The following SMAD6 variants were observed in gnomAD, a reference collection of about 807,000 sequenced individuals.
SMAD6 encodes SMAD family member 6.
Under a neutral mutation model 39.4 loss-of-function variants are expected in SMAD6, and 103 were observed. The observed-to-expected ratio is 2.62, with a 90% confidence interval of 2.23 to 3.08. The LOEUF (loss-of-function observed/expected upper bound fraction) is 3.08. Ranked by LOEUF, SMAD6 falls within the 30% of genes most tolerant of loss-of-function variation. The pLI, the probability that SMAD6 is intolerant of heterozygous loss-of-function variation, is 0.00. For missense variants in SMAD6, 1,104 were observed against 742.9 expected (o/e 1.49, Z -5.65); for synonymous variants, 445 against 353.3 (o/e 1.26, Z -2.91).
In SMAD6 at chr15:66,768,849, C is replaced by T. The variant is rs1354908749; in HGVS notation, c.953-12148C>T. Among the ~76,000 whole-genome samples the T allele has an allele frequency of 2.6e-5, 4 of 152,174 alleles. No individual in the cohort carries two copies. In the South Asian group the frequency reaches 8.3e-4, roughly 32 times the overall value. On this transcript the variant is annotated intron_variant, in intron 3 of 3. Coordinates refer to ENST00000288840, the MANE Select transcript of SMAD6 (RefSeq NM_005585.5). The stretch of plus-strand genomic sequence containing the variant: ...CATTGCCGAGAGCACCTCTGTTAGG[C>T]GACATAGTACCAGGTCCTTGGGGAG...
intron 3 of SMAD6, among the ~76,000 whole-genome samples, chr15:66,725,193 A>G (rs1893501392): frequency 6.6e-6 from 1 of 152,098 alleles, no homozygotes; most frequent in South Asian, 2.1e-4. Flanking sequence ...TTTTTCCTCC[A>G]TGGCCCTTGG....
chr15:66,746,099 G>T (rs543673367), intron 3 of SMAD6, among the ~76,000 whole-genome samples: 110 of 152,330 alleles, frequency 7.2e-4, no homozygotes, highest in African/African-American at 2.6e-3. Context: ...GATGGAGCAG[G>T]CTGGCACTGG....
intron 3 of SMAD6, among the ~76,000 whole-genome samples, chr15:66,751,400 C>G (rs1595787493): frequency 6.6e-6 from 1 of 152,174 alleles, no homozygotes; most frequent in East Asian, 1.9e-4. Context: ...AGTGGATGTT[C>G]AGGACTATTC....
intron 2 of SMAD6, among the ~76,000 whole-genome samples, chr15:66,715,458 C>T (rs1443877890): frequency 1.3e-5 from 2 of 152,152 alleles, no homozygotes; most frequent in East Asian, 1.9e-4. Context: ...TGTGCTGGGC[C>T]GGCTGGGGCC....
intron 3 of SMAD6, among the ~76,000 whole-genome samples, chr15:66,729,683 C>G (rs12441613): frequency 0.12 from 18,397 of 152,230 alleles, 1,396 homozygotes; most frequent in Admixed American, 0.24. Context: ...GGATTTTCTT[C>G]CCTGGCCCGC....
chr15:66,751,056 T>TC (rs1893996863), intron 3 of SMAD6, among the ~76,000 whole-genome samples: 1 of 152,106 alleles, frequency 6.6e-6, no homozygotes. Context: ...AGTAGTTTGT[T>TC]CTAAGGAAAG....
At chr15:66,711,756 G>C in intron 2 of SMAD6, 32 bp downstream of exon 2, 1 of 1,576,594 alleles carries the variant, frequency 6.3e-7, no homozygotes. Flanking sequence ...CCCTTGCAGA[G>C]GTGTGTCCCG....
chr15:66,749,896 G>A (rs527766332), intron 3 of SMAD6, among the ~76,000 whole-genome samples: 1 of 152,196 alleles, frequency 6.6e-6, no homozygotes, highest in African/African-American at 2.4e-5. Flanking sequence ...TGGGACAGTG[G>A]AGCCTGCTGC....
At chr15:66,739,809 T>G (rs1171123024) in intron 3 of SMAD6, among the ~76,000 whole-genome samples, 1 of 152,168 alleles carries the variant, frequency 6.6e-6, no homozygotes, top group African/African-American at 2.4e-5. Context: ...AGAAAAATTT[T>G]AATTAGTTTT....
At chr15:66,722,356 A>G (rs566131878) in intron 3 of SMAD6, among the ~76,000 whole-genome samples, 11 of 152,204 alleles carry the variant, frequency 7.2e-5, no homozygotes, top group Admixed American at 2.0e-4. Flanking sequence ...AGAACATTTC[A>G]TTGAGTTTTG....
At position 66,781,118 on chromosome 15, in the gene SMAD6, C is replaced by G; in HGVS notation, c.1074C>G (p.Tyr358Ter). The G allele has an allele frequency of 6.2e-7, 1 of 1,608,888 alleles. No individual in the cohort carries two copies. The highest frequency in any genetic ancestry group is 8.5e-7 in the Non-Finnish European group (1 of 1,179,722). ...ACGACCAGGCCGTCAGCATCTTCTA[C>G]GACCTACCTCAGGGCAGCGGCTTCT... The part of the protein sequence containing the change: ...AVYDQAVSIF[Y>*]DLPQGSGFCL... The change falls in exon 4 of 4, where the codon TAC (tyrosine) becomes TAG (stop). Residue 358 changes from tyrosine (Y) to a stop codon, truncating the protein, a stop_gained. Transcript: ENST00000288840. LOFTEE classifies it high-confidence loss of function.
At chr15:66,736,438 A>C (rs952647742) in intron 3 of SMAD6, among the ~76,000 whole-genome samples, 2 of 152,194 alleles carry the variant, frequency 1.3e-5, no homozygotes, top group African/African-American at 4.8e-5. Flanking sequence ...TAAGATTCGT[A>C]GTGAGGTGGG....
intron 3 of SMAD6, among the ~76,000 whole-genome samples, chr15:66,779,538 G>C (rs1344424633): frequency 6.6e-6 from 1 of 152,208 alleles, no homozygotes; most frequent in South Asian, 2.1e-4. Flanking sequence ...CTCCTGCTGG[G>C]TGGCTGGGCG....
intron 3 of SMAD6, among the ~76,000 whole-genome samples, chr15:66,726,045 AC>A (rs1363111344): frequency 5.9e-5 from 9 of 152,072 alleles, no homozygotes; most frequent in African/African-American, 1.9e-4. Flanking sequence ...TCTGCAAACC[AC>A]ACATCCACTC....
intron 3 of SMAD6, among the ~76,000 whole-genome samples, chr15:66,737,021 A>C (rs139269705): frequency 6.6e-6 from 1 of 152,216 alleles, no homozygotes; most frequent in Admixed American, 6.5e-5. Flanking sequence ...ACCCAGGGCC[A>C]AGGATCATCG....
chr15:66,722,788 T>G (rs1595770351), intron 3 of SMAD6, among the ~76,000 whole-genome samples: 4 of 147,736 alleles, frequency 2.7e-5, no homozygotes, highest in Non-Finnish European at 3.0e-5. Flanking sequence ...TCGGCAGGAG[T>G]GATGGGGGTG....
At chr15:66,738,057 A>G (rs991063949) in intron 3 of SMAD6, among the ~76,000 whole-genome samples, 1 of 152,222 alleles carries the variant, frequency 6.6e-6, no homozygotes, top group African/African-American at 2.4e-5. Context: ...TTACATTGCT[A>G]TGCTACCATC....
At chr15:66,745,914 G>A (rs1893899632) in intron 3 of SMAD6, among the ~76,000 whole-genome samples, 2 of 152,218 alleles carry the variant, frequency 1.3e-5, no homozygotes, top group South Asian at 4.1e-4. Flanking sequence ...CTGAAGTCCT[G>A]TGGTACCCCC....
intron 3 of SMAD6, among the ~76,000 whole-genome samples, chr15:66,780,600 G>A (rs1894540856): frequency 1.3e-5 from 2 of 152,172 alleles, no homozygotes; most frequent in South Asian, 2.1e-4. Flanking sequence ...AGTGCTCCAC[G>A]CCGGGTCCGT....
Sources: gnomAD v4.1 joint callset for allele counts (sites outside exome capture counted in the v4.1 genomes callset) on GRCh38, gnomAD v4.1.1 for gene constraint, MANE v1.5 for transcripts, NCBI Gene and HGNC (gene_info 2026-07-23, HGNC 2026-07-21) for gene names.